NTRK3: variants seen among roughly 807,000 people sequenced by gnomAD.
NTRK3 encodes NT-3 growth factor receptor.
In NTRK3, 24 loss-of-function variants were observed where a neutral mutation model predicts 91.7. The observed-to-expected ratio is 0.26, with a 90% CI of 0.19 to 0.37. NTRK3 has a LOEUF of 0.37. Among genes scored for constraint, NTRK3 ranks in the 10% least tolerant of loss-of-function variants. The probability of loss-of-function intolerance (pLI) is 1.00; values close to 1 mark genes in which losing one functional copy is unlikely to be tolerated. For missense variants in NTRK3, 880 were observed against 1,068.9 expected, an observed-to-expected ratio of 0.82 and a Z score of 2.46; for synonymous variants, 483 against 404.0, an observed-to-expected ratio of 1.20 and a Z score of -2.34.
intron 3 of NTRK3, among the ~76,000 whole-genome samples, chr15:88,244,751 A>G (rs1050096435): frequency 1.3e-5 from 2 of 152,212 alleles, no homozygotes; most frequent in African/African-American, 4.8e-5. Context: ...ATCCTATCCC[A>G]TTGGATTCCT....
intron 14 of NTRK3, among the ~76,000 whole-genome samples, chr15:87,985,022 T>C (rs916062003): frequency 5.3e-5 from 8 of 152,184 alleles, no homozygotes; most frequent in Admixed American, 5.2e-4. Context: ...AAATCCCATC[T>C]CTGCAAGCCT....
intron 13 of NTRK3, among the ~76,000 whole-genome samples, chr15:88,050,376 A>G (rs1222501973): frequency 6.6e-6 from 1 of 152,128 alleles, no homozygotes; most frequent in Non-Finnish European, 1.5e-5. Context: ...TACCATTCCC[A>G]TCTTGGCCTG....
At chr15:88,001,855 T>C (rs1480889907) in intron 14 of NTRK3, among the ~76,000 whole-genome samples, 3 of 152,162 alleles carry the variant, frequency 2.0e-5, no homozygotes, top group South Asian at 2.1e-4. Context: ...AGGATCAGCA[T>C]GTCAATTTCT....
chr15:88,101,246 A>G (rs1388881537), intron 13 of NTRK3, among the ~76,000 whole-genome samples: 2 of 152,046 alleles, frequency 1.3e-5, no homozygotes, highest in East Asian at 1.9e-4. Context: ...CATTTATGCA[A>G]CCAAAAGACA....
chr15:88,206,670 A>G lies in NTRK3; in HGVS notation c.249-22371T>C, dbSNP rs575999709. On this transcript the variant is annotated intron_variant, in intron 3 of 18. Coordinates refer to ENST00000394480, the Ensembl canonical transcript of NTRK3. ...AAGACTCCGTCTCGAAAAAAAAAAAAAAAAAAACAAACCTCTCCAGAAACC... is the reference window on the plus strand; with the variant it reads ...AAGACTCCGTCTCGAAAAAAAAAAAGAAAAAAACAAACCTCTCCAGAAACC... Among the ~76,000 whole-genome samples, 6 of 149,512 alleles carry G rather than the reference A, an allele frequency of 4.0e-5. No homozygotes were observed. The South Asian group carries it at 1.3e-3, about 32-fold the overall frequency.
intron 13 of NTRK3, among the ~76,000 whole-genome samples, chr15:88,061,056 CATTG>C (rs981721923): frequency 7.9e-5 from 12 of 151,568 alleles, no homozygotes; most frequent in African/African-American, 2.9e-4. Context: ...TCAGGTACTT[CATTG>C]ATTTTTATGT....
chr15:87,917,091 TC>T (rs1445961906), intron 17 of NTRK3, among the ~76,000 whole-genome samples: 3 of 152,332 alleles, frequency 2.0e-5, no homozygotes, highest in Non-Finnish European at 4.4e-5. Flanking sequence ...ACATTGAGGT[TC>T]TTCTTAGTTT....
At chr15:88,079,724 A>G (rs1220232702) in intron 13 of NTRK3, among the ~76,000 whole-genome samples, 1 of 152,242 alleles carries the variant, frequency 6.6e-6, no homozygotes, top group Non-Finnish European at 1.5e-5. Flanking sequence ...TAAGTAAAGG[A>G]CAGTCATCAA....
At chr15:88,071,915 G>T (rs764415854) in intron 13 of NTRK3, among the ~76,000 whole-genome samples, 9 of 151,992 alleles carry the variant, frequency 5.9e-5, no homozygotes, top group Admixed American at 2.0e-4. Flanking sequence ...AGTAGTTCCT[G>T]CCCTGGCAGA....
At chr15:88,236,996 G>A (rs1200235097) in intron 3 of NTRK3, among the ~76,000 whole-genome samples, 1 of 152,044 alleles carries the variant, frequency 6.6e-6, no homozygotes, top group Non-Finnish European at 1.5e-5. Context: ...TAAGAGTAAC[G>A]CATTTCATTA....
At chr15:88,138,575 C>G (rs1294296172) in intron 6 of NTRK3, among the ~76,000 whole-genome samples, 1 of 152,160 alleles carries the variant, frequency 6.6e-6, no homozygotes, top group African/African-American at 2.4e-5. Context: ...TCCTCTTCAG[C>G]CACACTGACC....
At chr15:88,153,932 C>G (rs1163116235) in intron 5 of NTRK3, among the ~76,000 whole-genome samples, 1 of 151,966 alleles carries the variant, frequency 6.6e-6, no homozygotes, top group Non-Finnish European at 1.5e-5. Flanking sequence ...CATAAATATT[C>G]AGATCATAGC....
At chr15:88,165,957 A>G (rs1450047378) in intron 5 of NTRK3, among the ~76,000 whole-genome samples, 2 of 152,230 alleles carry the variant, frequency 1.3e-5, no homozygotes, top group Non-Finnish European at 2.9e-5. Context: ...AAAACCTTCT[A>G]AGAATGAAAA....
At chr15:88,119,344 C>A (rs8027555) in intron 13 of NTRK3, among the ~76,000 whole-genome samples, 36,995 of 152,106 alleles carry the variant, frequency 0.24, 4,846 homozygotes, top group African/African-American at 0.31. Context: ...GAGAAGGAGA[C>A]GCAGAAGACC....
intron 17 of NTRK3, among the ~76,000 whole-genome samples, chr15:87,884,917 G>C (rs1451122786): frequency 6.6e-6 from 1 of 151,662 alleles, no homozygotes; most frequent in Non-Finnish European, 1.5e-5. Context: ...TTTTTCAAGA[G>C]GTCCTAACCA....
chr15:88,106,098 C>A (rs918116448), intron 13 of NTRK3, among the ~76,000 whole-genome samples: 1 of 152,248 alleles, frequency 6.6e-6, no homozygotes, highest in Admixed American at 6.5e-5. Flanking sequence ...TTTCATTGGT[C>A]CATTCCGGCT....
chr15:87,873,916 C>T (rs1188693635), exon 19 of NTRK3: 1 of 230,428 alleles, frequency 4.3e-6, no homozygotes, highest in Non-Finnish European at 8.6e-6. Flanking sequence ...GGCAACTGCC[C>T]CCCACCTATG....
At chr15:88,247,868 G>C (rs544407976) in intron 3 of NTRK3, among the ~76,000 whole-genome samples, 1 of 152,246 alleles carries the variant, frequency 6.6e-6, no homozygotes, top group South Asian at 2.1e-4. Context: ...GTCGCGGGGG[G>C]ATAAAGGCTG....
At chr15:88,024,432 TAAG>T (rs999922355) in intron 14 of NTRK3, among the ~76,000 whole-genome samples, 2 of 152,030 alleles carry the variant, frequency 1.3e-5, no homozygotes, top group Admixed American at 1.3e-4. Context: ...GCCTGGTACT[TAAG>T]AAGGGATCAG....
Sources: gnomAD v4.1 joint callset for allele counts (sites outside exome capture counted in the v4.1 genomes callset) on GRCh38, gnomAD v4.1.1 for gene constraint, MANE v1.5 for transcripts, NCBI Gene and HGNC (gene_info 2026-07-23, HGNC 2026-07-21) for gene names.